The following KIT variants were observed in gnomAD, a reference collection of about 807,000 sequenced individuals.
KIT encodes KIT proto-oncogene, receptor tyrosine kinase.
A neutral mutation model predicts 105.7 loss-of-function variants in KIT; 16 were observed. That is an observed-to-expected ratio of 0.15 (90% CI 0.10 to 0.23). The LOEUF (loss-of-function observed/expected upper bound fraction) is 0.23. Ranked by LOEUF, KIT falls within the 10% of genes least tolerant of loss-of-function variation. KIT has a pLI of 1.00. For missense variants in KIT, 858 were observed against 1,213.8 expected (o/e 0.71, Z 4.36); for synonymous variants, 438 against 441.1 (o/e 0.99, Z 0.09).
rs140536677 is a variant in KIT at position 54,709,538 on chromosome 4, T to C, written c.1230T>C (p.Asn410=). 58 of 1,571,286 alleles carry C rather than the reference T, an allele frequency of 3.7e-5. No homozygotes were observed. The African/African-American group carries it at 7.1e-4, about 19-fold the overall frequency. The part of the protein sequence containing the change: ...NAAIAFNVYV[N]TKPEILTYDR... ...CCATAGCATTTAATGTTTATGTGAA[T>C]AGTAAGTAACATGAAGGGCTCCTTT... is the stretch of plus-strand genomic sequence containing the variant. Residue 410 remains asparagine, a splice_region_variant and synonymous_variant, in exon 7 of 21, where the codon AAT becomes AAC. Transcript: ENST00000288135.
chr4:54,680,513 TG>T, intron 1 of KIT, among the ~76,000 whole-genome samples: 1 of 151,494 alleles, frequency 6.6e-6, no homozygotes, highest in Admixed American at 6.6e-5. Flanking sequence ...TGCCTCAGCC[TG>T]CCGAGTAGCT....
At chr4:54,669,447 G>T (rs1717950386) in intron 1 of KIT, among the ~76,000 whole-genome samples, 1 of 152,244 alleles carries the variant, frequency 6.6e-6, no homozygotes, top group Non-Finnish European at 1.5e-5. Flanking sequence ...CGCCATACTG[G>T]CCACTGGGAA....
intron 1 of KIT, among the ~76,000 whole-genome samples, chr4:54,659,772 G>A (rs1717110508): frequency 6.6e-6 from 1 of 152,132 alleles, no homozygotes; most frequent in Non-Finnish European, 1.5e-5. Flanking sequence ...AACCTAGTAG[G>A]AGACTAGAAA....
At chr4:54,727,641 A>C (rs1722323169) in intron 11 of KIT, 99 bp downstream of exon 11, 1 of 1,516,612 alleles carries the variant, frequency 6.6e-7, no homozygotes, top group Non-Finnish European at 9.1e-7. Context: ...TTCCACCTGA[A>C]ACAATGAGTT....
At position 54,739,104 on chromosome 4, in the gene KIT, G is replaced by A; in HGVS notation, c.*547G>A. ...GCCATGAAAAAAATGATCCCCAAGT[G>A]TGAACAAAAGATGCTCTTCTGTGGA... is the stretch of plus-strand genomic sequence containing the variant. On this transcript the variant is annotated 3_prime_UTR_variant, in exon 21 of 21. Transcript: ENST00000288135. 2.6e-6 allele frequency: 1 copy of A among 390,074 alleles called. No homozygotes were observed. Among genetic ancestry groups the A allele is most frequent in the Admixed American group, 4.0e-5 (1 of 24,698 alleles). 24.2% of individuals were successfully genotyped at this position (390,074 alleles called of 1,614,324 possible).
At chr4:54,712,340 T>TCCACTAGTGCACTA (rs1188110629) in intron 7 of KIT, among the ~76,000 whole-genome samples, 1 of 152,346 alleles carries the variant, frequency 6.6e-6, no homozygotes, top group Non-Finnish European at 1.5e-5. Context: ...TCTCAGTTTC[T>TCCACTAGTGCACTA]GTATTTATCT....
chr4:54,705,824 G>A (rs1720752508), intron 5 of KIT, among the ~76,000 whole-genome samples: 2 of 152,172 alleles, frequency 1.3e-5, no homozygotes, highest in Non-Finnish European at 2.9e-5. Context: ...CGAGGCTTTA[G>A]TGAGCTGTGA....
chr4:54,728,287 C>T (rs1158473723), intron 13 of KIT, among the ~76,000 whole-genome samples, 166 bp downstream of exon 13: 1 of 152,126 alleles, frequency 6.6e-6, no homozygotes, highest in Non-Finnish European at 1.5e-5. Context: ...CTTAAGAATG[C>T]AGATTTTAAT....
At chr4:54,718,034 TTTAGAACAGGGGTTGGTAGAAC>T (rs993491261) in intron 7 of KIT, among the ~76,000 whole-genome samples, 8 of 152,334 alleles carry the variant, frequency 5.3e-5, no homozygotes, top group South Asian at 2.1e-4. Context: ...TTGATTGCTG[TTTAGAACAGGGGTTGGTAGAAC>T]TATAGCCTGC....
chr4:54,737,082 C>T (rs1409656113), intron 19 of KIT, 93 bp from the exon 20 acceptor site: 10 of 829,220 alleles, frequency 1.2e-5, no homozygotes, highest in South Asian at 2.8e-5. Flanking sequence ...GTTGCATAGC[C>T]CTGGAATTAT....
chr4:54,727,732 A>C, intron 11 of KIT, 91 bp from the exon 12 acceptor site: 1 of 1,311,216 alleles, frequency 7.6e-7, no homozygotes, highest in Non-Finnish European at 1.1e-6. Flanking sequence ...ATTGTTTTTA[A>C]TTCCTTTATT....
intron 15 of KIT, 149 bp downstream of exon 15, chr4:54,731,568 G>A: frequency 1.4e-6 from 1 of 737,408 alleles, no homozygotes; most frequent in Admixed American, 2.0e-5. Flanking sequence ...GGCAGTTAGG[G>A]TTGCAAGTGG....
intron 1 of KIT, among the ~76,000 whole-genome samples, chr4:54,662,792 C>T (rs1033064980): frequency 3.3e-5 from 5 of 152,078 alleles, no homozygotes; most frequent in Non-Finnish European, 5.9e-5. Context: ...TGGCTGGTCT[C>T]GAACCCCTGA....
At chr4:54,677,366 G>C (rs1310579004) in intron 1 of KIT, among the ~76,000 whole-genome samples, 1 of 152,032 alleles carries the variant, frequency 6.6e-6, no homozygotes, top group South Asian at 2.1e-4. Flanking sequence ...TCATAACTTG[G>C]TTCTAACTTG....
Position 54,733,159 on chromosome 4 carries a change from C to T in KIT, c.2451C>T (p.Ile817=), listed in dbSNP as rs1553892932. 1 of 1,612,704 alleles carries T rather than the reference C, an allele frequency of 6.2e-7. No homozygotes were observed. The highest frequency in any genetic ancestry group is 8.5e-7 in the Non-Finnish European group (1 of 1,178,986). The change falls in exon 17 of 21, where the codon ATC becomes ATT. Residue 817 remains isoleucine, a synonymous_variant. Transcript: ENST00000288135. ...GTGATTTTGGTCTAGCCAGAGACAT[C>T]AAGAATGATTCTAATTATGTGGTTA... ...KICDFGLARD[I]KNDSNYVVKG...
In KIT at chr4:54,729,140, C is replaced by T. The variant is rs112159116; in HGVS notation, c.1991-195C>T. 8.7e-3 allele frequency among the ~76,000 whole-genome samples: 1,320 copies of T among 152,242 alleles called. 25 individuals are homozygous for T. The highest frequency in any genetic ancestry group is 0.03 in the African/African-American group (1,235 of 41,548). ...AGAAATTCAGGTTAAAAGAGGCTTG[C>T]TTGTTTTATGTTACTCCACATAAGG... On this transcript the variant is annotated intron_variant, in intron 13 of 20. Transcript: ENST00000288135.
intron 1 of KIT, among the ~76,000 whole-genome samples, chr4:54,659,004 C>T (rs1577900452): frequency 6.6e-6 from 1 of 152,136 alleles, no homozygotes; most frequent in Admixed American, 6.5e-5. Flanking sequence ...AGCACGCCGG[C>T]CAGAGTGCCC....
In KIT at chr4:54,668,415, C is replaced by A. The variant is rs183044624; in HGVS notation, c.67+10334C>A. 2.0e-5 allele frequency among the ~76,000 whole-genome samples: 3 copies of A among 152,332 alleles called. 1 individual carries two copies. The highest frequency in any genetic ancestry group is 7.2e-5 in the African/African-American group (3 of 41,580). On this transcript the variant is annotated intron_variant, in intron 1 of 20. Coordinates refer to ENST00000288135, the MANE Select transcript of KIT (RefSeq NM_000222.3). ...TAAATTGCTTAGTGAGGCAAAATATCCACCTTCATTTGGGTTTACCCCAGG... is the reference window on the plus strand; with the variant it reads ...TAAATTGCTTAGTGAGGCAAAATATACACCTTCATTTGGGTTTACCCCAGG...
chr4:54,670,488 C>G (rs1462259706), intron 1 of KIT, among the ~76,000 whole-genome samples: 4 of 152,104 alleles, frequency 2.6e-5, no homozygotes, highest in Non-Finnish European at 5.9e-5. Context: ...ACTTGGATCA[C>G]AAGTTGCCTG....
Sources: allele counts gnomAD v4.1 joint callset (sites outside exome capture counted in the v4.1 genomes callset), GRCh38; gene constraint gnomAD v4.1.1; transcripts MANE v1.5; gene names NCBI Gene and HGNC (gene_info 2026-07-23, HGNC 2026-07-21).